LRRC7: variants seen among roughly 807,000 people sequenced by gnomAD.
LRRC7 encodes leucine rich repeat containing 7.
Under a neutral mutation model 175.7 loss-of-function variants are expected in LRRC7, and 23 were observed. The ratio of observed to expected loss-of-function variants is 0.13; its 90% CI spans 0.09 to 0.19. LRRC7 has a LOEUF of 0.19. Among genes scored for constraint, LRRC7 ranks in the 10% least tolerant of loss-of-function variants. LRRC7 has a pLI of 1.00. For missense variants in LRRC7, 1,354 were observed against 1,904.7 expected (o/e 0.71, Z 5.38); for synonymous variants, 685 against 680.9 (o/e 1.01, Z -0.09).
intron 7 of LRRC7, among the ~76,000 whole-genome samples, chr1:69,907,621 A>C (rs1646363797): frequency 2.0e-5 from 3 of 152,318 alleles, no homozygotes; most frequent in African/African-American, 7.2e-5. Flanking sequence ...CCAGCTGATC[A>C]TGATGGATAA....
At chr1:69,737,037 G>A (rs1028803912) in intron 2 of LRRC7, among the ~76,000 whole-genome samples, 3 of 151,974 alleles carry the variant, frequency 2.0e-5, no homozygotes, top group Admixed American at 6.6e-5. Context: ...TTACACCTCC[G>A]ATTGGTTTAC....
intron 1 of LRRC7, among the ~76,000 whole-genome samples, chr1:69,635,148 G>A (rs938070192): frequency 6.6e-6 from 1 of 151,860 alleles, no homozygotes; most frequent in African/African-American, 2.4e-5. Context: ...TCATCATTTA[G>A]CTCCCACTTA....
In LRRC7 at chr1:69,618,150, C is replaced by T. The variant is rs1298114902; in HGVS notation, c.2+49509C>T. ...ATCTCATTTTTTTCCCCCGCAGGAA[C>T]TCTGGCTCCAAGCTCTGGGAATTTC... On this transcript the variant is annotated intron_variant, in intron 1 of 26. Transcript: ENST00000651989. Among the ~76,000 whole-genome samples, 3 of 152,194 alleles carry T rather than the reference C, an allele frequency of 2.0e-5. No homozygotes were observed. The East Asian group carries it at 5.8e-4, about 29-fold the overall frequency.
intron 2 of LRRC7, among the ~76,000 whole-genome samples, chr1:69,754,974 C>T (rs1670246432): frequency 6.6e-6 from 1 of 151,904 alleles, no homozygotes; most frequent in South Asian, 2.1e-4. Context: ...GGGACAAATT[C>T]TAACACTGTA....
chr1:69,691,814 A>G (rs1661913653), intron 2 of LRRC7, among the ~76,000 whole-genome samples: 4 of 145,258 alleles, frequency 2.8e-5, no homozygotes, highest in Non-Finnish European at 3.0e-5. Flanking sequence ...AAAAAAAAAA[A>G]AAAAAAAGAA....
intron 18 of LRRC7, among the ~76,000 whole-genome samples, chr1:70,034,595 G>A (rs772452002): frequency 6.6e-6 from 1 of 151,828 alleles, no homozygotes; most frequent in Non-Finnish European, 1.5e-5. Context: ...TAAGTTCTTT[G>A]TGTGCTCACA....
chr1:69,576,257 T>C (rs1433753129), intron 1 of LRRC7, among the ~76,000 whole-genome samples: 3 of 121,856 alleles, frequency 2.5e-5, no homozygotes, highest in Non-Finnish European at 5.8e-5. Flanking sequence ...TGGAAGGTCC[T>C]TTAAATAGTA....
chr1:69,735,313 T>G (rs1395651351), intron 2 of LRRC7, among the ~76,000 whole-genome samples: 1 of 152,134 alleles, frequency 6.6e-6, no homozygotes, highest in African/African-American at 2.4e-5. Context: ...TTCTCTGCAT[T>G]TCTTCAATAT....
chr1:70,054,349 C>T (rs1342042431), intron 23 of LRRC7, among the ~76,000 whole-genome samples: 3 of 152,024 alleles, frequency 2.0e-5, no homozygotes, highest in Non-Finnish European at 4.4e-5. Context: ...CTGGAAATGG[C>T]ATACATATGT....
chr1:69,736,532 G>C (rs1228365976), intron 2 of LRRC7, among the ~76,000 whole-genome samples: 1 of 152,082 alleles, frequency 6.6e-6, no homozygotes, highest in Non-Finnish European at 1.5e-5. Context: ...GAATAAGTTA[G>C]GTAATGACTG....
chr1:70,035,580 AG>A (rs1659219559), intron 18 of LRRC7, among the ~76,000 whole-genome samples: 1 of 144,866 alleles, frequency 6.9e-6, no homozygotes, highest in Non-Finnish European at 1.5e-5. Flanking sequence ...TGGGAAGAGC[AG>A]GATTTATAGG....
intron 8 of LRRC7, among the ~76,000 whole-genome samples, chr1:69,967,742 AG>A (rs1283738236): frequency 1.3e-5 from 2 of 152,158 alleles, no homozygotes; most frequent in African/African-American, 4.8e-5. Flanking sequence ...CCACATTCCT[AG>A]GGAAAGGAGG....
At chr1:69,694,741 C>CG (rs35448227) in intron 2 of LRRC7, among the ~76,000 whole-genome samples, 2 of 151,502 alleles carry the variant, frequency 1.3e-5, no homozygotes, top group Non-Finnish European at 2.9e-5. Context: ...TACCCCTACC[C>CG]CCCCCCACTT....
At chr1:69,580,662 CTAAG>C (rs1384820074) in intron 1 of LRRC7, among the ~76,000 whole-genome samples, 1 of 152,150 alleles carries the variant, frequency 6.6e-6, no homozygotes, top group Non-Finnish European at 1.5e-5. Context: ...ATAAATTTTA[CTAAG>C]TTCTTGCCTG....
chr1:69,868,982 C>G (rs547116486), intron 7 of LRRC7, among the ~76,000 whole-genome samples: 26 of 151,506 alleles, frequency 1.7e-4, no homozygotes, highest in Non-Finnish European at 3.4e-4. Context: ...TATTGGATTA[C>G]GGTCCACCCT....
intron 4 of LRRC7, among the ~76,000 whole-genome samples, chr1:69,810,004 A>G (rs1339075526): frequency 6.6e-6 from 1 of 152,198 alleles, no homozygotes; most frequent in Non-Finnish European, 1.5e-5. Context: ...AGATGACATG[A>G]TTGTATATTT....
intron 2 of LRRC7, among the ~76,000 whole-genome samples, chr1:69,702,629 G>A (rs1314790165): frequency 1.3e-5 from 2 of 152,084 alleles, no homozygotes; most frequent in African/African-American, 4.8e-5. Flanking sequence ...TCTTGACATG[G>A]AGGCTATTCA....
At chr1:69,758,980 G>A (rs1346603634) in intron 2 of LRRC7, among the ~76,000 whole-genome samples, 2 of 151,960 alleles carry the variant, frequency 1.3e-5, no homozygotes, top group Non-Finnish European at 1.5e-5. Context: ...TTGGCAAACT[G>A]CACTATGTAC....
chr1:69,897,499 T>G (rs1295728215), intron 7 of LRRC7, among the ~76,000 whole-genome samples: 1 of 152,180 alleles, frequency 6.6e-6, no homozygotes, highest in Non-Finnish European at 1.5e-5. Context: ...AATAATGGTA[T>G]TTCCATGAGG....
Sources: gnomAD v4.1 joint callset for allele counts (sites outside exome capture counted in the v4.1 genomes callset) on GRCh38, gnomAD v4.1.1 for gene constraint, MANE v1.5 for transcripts, NCBI Gene and HGNC (gene_info 2026-07-23, HGNC 2026-07-21) for gene names.